Variants in PCDH9 observed in about 807,000 individuals in gnomAD.
The protein encoded by PCDH9 is protocadherin 9.
A neutral mutation model predicts 70.6 loss-of-function variants in PCDH9; 24 were observed. That is an observed-to-expected ratio of 0.34 (90% CI 0.25 to 0.48). PCDH9 has a LOEUF of 0.48. Among genes scored for constraint, PCDH9 ranks in the 20% least tolerant of loss-of-function variants. The pLI, the probability that PCDH9 is intolerant of heterozygous loss-of-function variation, is 0.99. For missense variants in PCDH9, 1,281 were observed against 1,503.6 expected, an observed-to-expected ratio of 0.85 and a Z score of 2.45; for synonymous variants, 562 against 558.5, an observed-to-expected ratio of 1.01 and a Z score of -0.09.
chr13:66,886,052 G>A (rs1031747287), intron 3 of PCDH9: 3 of 151,986 alleles, frequency 2.0e-5, no homozygotes, highest in East Asian at 1.9e-4. Context: ...TTCACACCAC[G>A]TTTCAATGGA....
chr13:67,044,864 G>A (rs1245255391), intron 2 of PCDH9, among the ~76,000 whole-genome samples: 1 of 152,080 alleles, frequency 6.6e-6, no homozygotes, highest in Admixed American at 6.6e-5. Context: ...CACAGAGCAT[G>A]GCCTGTTAAA....
At position 66,559,732 on chromosome 13, in the gene PCDH9, G is replaced by A. The variant is rs917281700; in HGVS notation, c.3340+71478C>T. On this transcript the variant is annotated intron_variant, in intron 4 of 4. Coordinates refer to ENST00000377865, the MANE Select transcript of PCDH9 (RefSeq NM_203487.3). Reference sequence around the variant, plus strand: ...GGAGAATGGCATGAACCCAGGAGGCGGAGCTTGCAGTGAGCTGAGATCGTG... The same window carrying A: ...GGAGAATGGCATGAACCCAGGAGGCAGAGCTTGCAGTGAGCTGAGATCGTG... Among the ~76,000 whole-genome samples the A allele has an allele frequency of 7.2e-4, 106 of 146,670 alleles. 1 individual carries two copies. Among genetic ancestry groups the A allele is most frequent in the Admixed American group, 1.5e-3 (21 of 14,382 alleles).
At chr13:66,777,188 G>C (rs888975420) in intron 3 of PCDH9, among the ~76,000 whole-genome samples, 25 of 151,924 alleles carry the variant, frequency 1.6e-4, no homozygotes, top group African/African-American at 4.8e-4. Flanking sequence ...TAGAAGAAAA[G>C]CTAGGCAATA....
chr13:66,810,898 G>A (rs1208960367), intron 3 of PCDH9, among the ~76,000 whole-genome samples: 2 of 151,542 alleles, frequency 1.3e-5, no homozygotes, highest in South Asian at 2.1e-4. Flanking sequence ...CTTCTTTTAT[G>A]GATGAAGAAA....
At chr13:66,676,849 T>C (rs1394467627) in intron 3 of PCDH9, among the ~76,000 whole-genome samples, 2 of 152,106 alleles carry the variant, frequency 1.3e-5, no homozygotes, top group Non-Finnish European at 2.9e-5. Flanking sequence ...ACCTCAGACA[T>C]ACAGAAACAT....
intron 4 of PCDH9, among the ~76,000 whole-genome samples, chr13:66,348,150 C>T (rs550745458): frequency 6.6e-6 from 1 of 152,222 alleles, no homozygotes; most frequent in South Asian, 2.1e-4. Context: ...CCACTTTCCT[C>T]CCAATCTTTT....
At chr13:66,565,273 C>G (rs1044037397) in intron 4 of PCDH9, among the ~76,000 whole-genome samples, 4 of 152,118 alleles carry the variant, frequency 2.6e-5, no homozygotes, top group Non-Finnish European at 4.4e-5. Flanking sequence ...GAGAACATAA[C>G]AACATGCAAA....
At chr13:66,759,181 G>A (rs968697086) in intron 3 of PCDH9, among the ~76,000 whole-genome samples, 15 of 151,818 alleles carry the variant, frequency 9.9e-5, no homozygotes, top group African/African-American at 3.1e-4. Flanking sequence ...AGTTGGGTAC[G>A]TATATATTTA....
chr13:66,614,000 C>T (rs1203624574), intron 4 of PCDH9, among the ~76,000 whole-genome samples: 2 of 152,000 alleles, frequency 1.3e-5, no homozygotes, highest in African/African-American at 4.8e-5. Flanking sequence ...TTGGTAAGGC[C>T]GGGAGACATG....
chr13:66,330,138 C>G (rs956549225), intron 4 of PCDH9, among the ~76,000 whole-genome samples: 22 of 152,228 alleles, frequency 1.4e-4, no homozygotes, highest in African/African-American at 4.8e-4. Context: ...GCCACTTGCA[C>G]ATGGCATGAA....
intron 4 of PCDH9, among the ~76,000 whole-genome samples, chr13:66,566,469 A>G (rs1326032372): frequency 6.6e-6 from 1 of 152,152 alleles, no homozygotes; most frequent in African/African-American, 2.4e-5. Context: ...GCCTTGCCTA[A>G]TAAAGAAATA....
chr13:66,793,812 G>T (rs1028443472), intron 3 of PCDH9, among the ~76,000 whole-genome samples: 2 of 152,116 alleles, frequency 1.3e-5, no homozygotes, highest in African/African-American at 4.8e-5. Context: ...CTAAAATAAT[G>T]CTGTTACATT....
In PCDH9 at chr13:66,871,560, T is replaced by A. The variant is rs183168094; in HGVS notation, c.3138+31944A>T. Among the ~76,000 whole-genome samples, 272 of 152,184 alleles carry A rather than the reference T, an allele frequency of 1.8e-3. 1 individual carries two copies. The highest frequency in any genetic ancestry group is 3.3e-3 in the Non-Finnish European group (221 of 67,986). On this transcript the variant is annotated intron_variant, in intron 3 of 4. Transcript: ENST00000377865. The stretch of plus-strand genomic sequence containing the variant: ...CTACCGTAGTTAGTCCCTCTGTTAC[T>A]TATTGCTTATTAATTATCACTTTTT...
At chr13:66,938,625 A>C (rs181703393) in intron 2 of PCDH9, among the ~76,000 whole-genome samples, 20 of 152,322 alleles carry the variant, frequency 1.3e-4, no homozygotes, top group Admixed American at 9.8e-4. Flanking sequence ...ACTGACATTG[A>C]TGTTATCATA....
intron 4 of PCDH9, among the ~76,000 whole-genome samples, chr13:66,507,539 T>A (rs1465826138): frequency 6.6e-6 from 1 of 152,164 alleles, no homozygotes; most frequent in Non-Finnish European, 1.5e-5. Context: ...TTTTTGTATG[T>A]GTCATGTTTT....
intron 4 of PCDH9, among the ~76,000 whole-genome samples, chr13:66,370,464 T>C (rs1349795735): frequency 6.6e-6 from 1 of 151,932 alleles, no homozygotes; most frequent in Non-Finnish European, 1.5e-5. Context: ...ATAATCGTTT[T>C]GTTTCTTTGT....
At chr13:66,511,828 C>T (rs1222118106) in intron 4 of PCDH9, among the ~76,000 whole-genome samples, 5 of 152,104 alleles carry the variant, frequency 3.3e-5, no homozygotes, top group African/African-American at 9.7e-5. Context: ...TTGGAAGCTT[C>T]CTGAGGCCGC....
At chr13:66,669,372 T>C (rs2078141336) in intron 3 of PCDH9, among the ~76,000 whole-genome samples, 1 of 152,204 alleles carries the variant, frequency 6.6e-6, no homozygotes, top group South Asian at 2.1e-4. Flanking sequence ...TTGTGTTTTA[T>C]GTCGGAATTG....
chr13:66,891,571 C>A (rs530825504), intron 3 of PCDH9, among the ~76,000 whole-genome samples: 1 of 152,138 alleles, frequency 6.6e-6, no homozygotes, highest in East Asian at 1.9e-4. Flanking sequence ...TCAAAACTGA[C>A]ATAATTTAGC....
Sources: gnomAD v4.1 joint callset for allele counts (sites outside exome capture counted in the v4.1 genomes callset) on GRCh38, gnomAD v4.1.1 for gene constraint, MANE v1.5 for transcripts, NCBI Gene and HGNC (gene_info 2026-07-23, HGNC 2026-07-21) for gene names.